Variants in FSTL4 observed in about 807,000 individuals in gnomAD.
The protein encoded by FSTL4 is follistatin-related protein 4.
Under a neutral mutation model 78.2 loss-of-function variants are expected in FSTL4, and 28 were observed. The observed-to-expected ratio is 0.36, with a 90% CI of 0.27 to 0.49. FSTL4 has a LOEUF of 0.49. Among genes scored for constraint, FSTL4 ranks in the 20% least tolerant of loss-of-function variants. FSTL4 has a pLI of 0.98. For synonymous variants in FSTL4, 422 were observed against 440.5 expected (o/e 0.96, Z 0.53); for missense variants, 922 against 1,084.9 (o/e 0.85, Z 2.11).
chr5:133,408,865 A>G (rs76167797), intron 3 of FSTL4, among the ~76,000 whole-genome samples: 4,645 of 152,272 alleles, frequency 0.031, 223 homozygotes, highest in African/African-American at 0.11. Context: ...TAAGTGCTCA[A>G]TTCGGACACT....
chr5:133,222,041 A>G, intron 11 of FSTL4, among the ~76,000 whole-genome samples: 1 of 151,712 alleles, frequency 6.6e-6, no homozygotes, highest in Non-Finnish European at 1.5e-5. Context: ...ACAACTCTGC[A>G]TGCAGTTTTC....
In FSTL4 at chr5:133,220,833, G is replaced by T. The variant is rs772991203; in HGVS notation, c.1373C>A (p.Ser458Tyr). ...ATGGATGACGATGATACCGTCGTCG[G>T]AGAAGACATAGAACATGTTTCCCAC... The part of the protein sequence containing the change: ...LSVGNMFYVF[S>Y]DDGIIVIHPV... Residue 458 changes from serine (S) to tyrosine (Y), a missense_variant, in exon 12 of 16, where the codon TCC (serine) becomes TAC (tyrosine). Physicochemically the swap from Ser to Tyr is moderately radical, Grantham distance 144 (BLOSUM62 -2). Transcript: ENST00000265342. 15 of 1,611,836 alleles carry T rather than the reference G, an allele frequency of 9.3e-6. No individual in the cohort carries two copies. In the South Asian group the frequency reaches 1.2e-4, roughly 13 times the overall value.
chr5:133,230,782 C>T (rs988397024), intron 8 of FSTL4, among the ~76,000 whole-genome samples: 8 of 152,192 alleles, frequency 5.3e-5, no homozygotes, highest in Non-Finnish European at 1.2e-4. Context: ...AAGCCTAGGC[C>T]TCTGGGGCAT....
chr5:133,620,386 C>T, the FSTL4 span, among the ~76,000 whole-genome samples: 1 of 152,124 alleles, frequency 6.6e-6, no homozygotes, highest in Admixed American at 6.5e-5. Flanking sequence ...CTCTATTTTT[C>T]TCTTTTTAAC....
chr5:133,364,299 G>A (rs549113393), intron 4 of FSTL4, among the ~76,000 whole-genome samples: 1 of 152,134 alleles, frequency 6.6e-6, no homozygotes, highest in South Asian at 2.1e-4. Context: ...GGGTGTGGGG[G>A]TGGGTGGTGG....
At chr5:133,485,006 G>A (rs1466051521) in intron 3 of FSTL4, among the ~76,000 whole-genome samples, 2 of 152,180 alleles carry the variant, frequency 1.3e-5, no homozygotes, top group Non-Finnish European at 2.9e-5. Flanking sequence ...GGTAACTTCA[G>A]CCAAAGAACT....
chr5:133,377,942 G>A (rs1350835798), intron 4 of FSTL4, among the ~76,000 whole-genome samples: 1 of 151,960 alleles, frequency 6.6e-6, no homozygotes, highest in Non-Finnish European at 1.5e-5. Flanking sequence ...ATGATTAACA[G>A]CTGACTTTTT....
rs192489715 is a variant in FSTL4, at chr5:133,516,757, A to C, written c.160+50429T>G. ...GCATTGTAAAACTAAGGTTACCAAA[A>C]CAATGGGGTATGGCAGCAGGAACAG... On this transcript the variant is annotated intron_variant, in intron 3 of 15. Transcript: ENST00000265342. Among the ~76,000 whole-genome samples, 11 of 152,336 alleles carry C rather than the reference A, an allele frequency of 7.2e-5. No individual in the cohort carries two copies. In the East Asian group the frequency reaches 2.1e-3, roughly 29 times the overall value.
the FSTL4 span, among the ~76,000 whole-genome samples, chr5:133,807,670 A>C: frequency 6.6e-6 from 1 of 152,202 alleles, no homozygotes. Flanking sequence ...GGAAACCAAG[A>C]GGTCTTTGGT....
intron 4 of FSTL4, among the ~76,000 whole-genome samples, chr5:133,365,876 C>T (rs1294940395): frequency 2.0e-5 from 3 of 152,232 alleles, no homozygotes; most frequent in Non-Finnish European, 4.4e-5. Context: ...CCATCTGCGT[C>T]AGCCTCCTGC....
At chr5:133,786,703 A>AG in the FSTL4 span, among the ~76,000 whole-genome samples, 1 of 152,144 alleles carries the variant, frequency 6.6e-6, no homozygotes, top group Non-Finnish European at 1.5e-5. Context: ...GGGAGCAAAA[A>AG]GGACTTCCTA....
intron 7 of FSTL4, among the ~76,000 whole-genome samples, chr5:133,240,631 G>A (rs912416824): frequency 1.3e-5 from 2 of 152,232 alleles, no homozygotes; most frequent in African/African-American, 4.8e-5. Flanking sequence ...GTCTTCTTCT[G>A]ACTGTGGATG....
At chr5:133,342,946 A>G (rs778119681) in intron 4 of FSTL4, among the ~76,000 whole-genome samples, 2 of 152,094 alleles carry the variant, frequency 1.3e-5, no homozygotes, top group South Asian at 2.1e-4. Flanking sequence ...TCCTTATACC[A>G]TAAGGGGAGC....
intron 3 of FSTL4, among the ~76,000 whole-genome samples, chr5:133,531,278 C>T (rs943300632): frequency 6.6e-6 from 1 of 152,164 alleles, no homozygotes; most frequent in Non-Finnish European, 1.5e-5. Flanking sequence ...ACCCCGTCCC[C>T]CAGTGGTATG....
In FSTL4 at chr5:133,552,069, C is replaced by T. The variant is rs549702076; in HGVS notation, c.160+15117G>A. On this transcript the variant is annotated intron_variant, in intron 3 of 15. Transcript: ENST00000265342. ...TTCTAGACACCAGCATCATTAGAGA[C>T]ATTCAAGGAGGGCTGAGGAGGTAAA... 3.0e-4 allele frequency among the ~76,000 whole-genome samples: 45 copies of T among 152,186 alleles called. 1 individual carries two copies. The highest frequency in any genetic ancestry group is 6.0e-4 in the Non-Finnish European group (41 of 68,026).
intron 3 of FSTL4, among the ~76,000 whole-genome samples, chr5:133,504,035 G>A (rs531705865): frequency 5.9e-5 from 9 of 152,126 alleles, no homozygotes; most frequent in Non-Finnish European, 7.3e-5. Flanking sequence ...ATCGGATCTC[G>A]TGAGAACTTA....
At chr5:133,524,068 C>T (rs1195689070) in intron 3 of FSTL4, among the ~76,000 whole-genome samples, 2 of 152,114 alleles carry the variant, frequency 1.3e-5, no homozygotes, top group African/African-American at 4.8e-5. Context: ...ACAAAAGATC[C>T]GAGGGGAGCC....
At chr5:133,262,258 G>A (rs1752548291) in intron 6 of FSTL4, among the ~76,000 whole-genome samples, 1 of 152,166 alleles carries the variant, frequency 6.6e-6, no homozygotes, top group South Asian at 2.1e-4. Context: ...CGCAACTACA[G>A]CTTCGACTGG....
At chr5:133,369,255 T>C (rs1432244880) in intron 4 of FSTL4, among the ~76,000 whole-genome samples, 2 of 152,182 alleles carry the variant, frequency 1.3e-5, no homozygotes, top group Non-Finnish European at 2.9e-5. Flanking sequence ...GAATCATGCC[T>C]CTTAATAAAA....
Sources: gnomAD v4.1 joint callset for allele counts (sites outside exome capture counted in the v4.1 genomes callset) on GRCh38, gnomAD v4.1.1 for gene constraint, MANE v1.5 for transcripts, NCBI Gene and HGNC (gene_info 2026-07-23, HGNC 2026-07-21) for gene names.